Variants in RNF150 observed in about 807,000 individuals in gnomAD.
The protein encoded by RNF150 is ring finger protein 150.
RNF150 carries 24 observed loss-of-function variants against 39.3 expected under a neutral mutation model. The observed-to-expected ratio is 0.61, with a 90% CI of 0.44 to 0.86. The LOEUF (loss-of-function observed/expected upper bound fraction) is 0.86, where lower values mean the gene tolerates loss of function less well. RNF150 is among the 40% of genes least tolerant of loss of function. RNF150 has a pLI of 0.00. For missense variants in RNF150, 502 were observed against 587.8 expected, an observed-to-expected ratio of 0.85 and a Z score of 1.51; for synonymous variants, 255 against 227.3, an observed-to-expected ratio of 1.12 and a Z score of -1.10.
chr4:141,196,034 G>A (rs756644376), intron 1 of RNF150, among the ~76,000 whole-genome samples: 4 of 152,160 alleles, frequency 2.6e-5, no homozygotes, highest in Non-Finnish European at 5.9e-5. Flanking sequence ...CTGTACTTTG[G>A]CAATGCTTAA....
rs371960952 is a variant in RNF150 at position 141,132,360 on chromosome 4, G to A, written c.449C>T (p.Ser150Phe). ...CATGGTGATGGTCTCGTTGGTGTTG[G>A]AGCCCACGTTGAAGATGACCACGGC... ...ASAVVIFNVG[S>F]NTNETITMPH... Residue 150 changes from serine (S) to phenylalanine (F), a missense_variant, in exon 1 of 7, where the codon TCC becomes TTC. Transcript: ENST00000515673. The surrounding 1 kb of genome is among the most constrained non-coding windows in gnomAD (Gnocchi z 4.9). 1.3e-5 allele frequency: 20 copies of A among 1,594,228 alleles called. No individual in the cohort carries two copies. The highest frequency in any genetic ancestry group is 1.7e-5 in the Non-Finnish European group (20 of 1,170,824).
intron 1 of RNF150, among the ~76,000 whole-genome samples, chr4:141,059,101 G>A (rs1337737586): frequency 6.6e-6 from 1 of 152,130 alleles, no homozygotes; most frequent in African/African-American, 2.4e-5. Context: ...GTATCCTGTG[G>A]TTTGTTCTTC....
At chr4:141,058,571 C>T (rs1373900964) in intron 1 of RNF150, among the ~76,000 whole-genome samples, 1 of 152,128 alleles carries the variant, frequency 6.6e-6, no homozygotes, top group East Asian at 1.9e-4. Context: ...CTGAATCAGA[C>T]TGTACTGTGT....
At position 141,157,694 on chromosome 4, in the gene RNF150, C is replaced by T. The variant is rs1355563146; in HGVS notation, c.-6+55100G>A. Among the ~76,000 whole-genome samples, 3 of 151,156 alleles carry T rather than the reference C, an allele frequency of 2.0e-5. No individual in the cohort carries two copies. In the South Asian group the frequency reaches 6.3e-4, roughly 32 times the overall value. ...TGGTTTTATTATCATGTTTAAAAAA[C>T]TCTAAGGAAGTTTACACGATAACAT... On this transcript the variant is annotated intron_variant, in intron 1 of 7. Coordinates refer to the RNF150 transcript ENST00000420921.
intron 1 of RNF150, among the ~76,000 whole-genome samples, chr4:140,991,561 C>A (rs1161660644): frequency 1.3e-5 from 2 of 151,920 alleles, no homozygotes; most frequent in Non-Finnish European, 2.9e-5. Flanking sequence ...TTTCTGGAGC[C>A]TCAGAACCAT....
chr4:141,088,921 C>G (rs1738470790), intron 1 of RNF150, among the ~76,000 whole-genome samples: 1 of 152,154 alleles, frequency 6.6e-6, no homozygotes. Context: ...CTCCATAATT[C>G]TCTGAGACAC....
At chr4:141,122,074 C>A (rs879488641) in intron 1 of RNF150, among the ~76,000 whole-genome samples, 19 of 152,242 alleles carry the variant, frequency 1.2e-4, no homozygotes, top group Non-Finnish European at 2.5e-4. Flanking sequence ...CCCCTCCAGG[C>A]GCCTCCTGCT....
At chr4:141,021,067 G>C (rs1735471852) in intron 1 of RNF150, among the ~76,000 whole-genome samples, 1 of 152,114 alleles carries the variant, frequency 6.6e-6, no homozygotes, top group African/African-American at 2.4e-5. Flanking sequence ...GGAGGTCAGA[G>C]GATGGAAAAT....
At chr4:140,874,112 C>T (rs928567902) in intron 6 of RNF150, among the ~76,000 whole-genome samples, 13 of 152,122 alleles carry the variant, frequency 8.5e-5, no homozygotes, top group African/African-American at 3.1e-4. Context: ...TTATTAATTC[C>T]ATTTAGTCCA....
intron 1 of RNF150, among the ~76,000 whole-genome samples, chr4:141,169,076 T>TA (rs1431532911): frequency 6.6e-6 from 1 of 152,162 alleles, no homozygotes; most frequent in African/African-American, 2.4e-5. Context: ...ACCCATATCT[T>TA]ACGTTGAATT....
chr4:141,083,666 G>C (rs1166906162), intron 1 of RNF150, among the ~76,000 whole-genome samples: 1 of 150,472 alleles, frequency 6.6e-6, no homozygotes, highest in Non-Finnish European at 1.5e-5. Context: ...TTCCCCAAAG[G>C]CAAAAAAAAA....
intron 1 of RNF150, among the ~76,000 whole-genome samples, chr4:140,995,576 G>A (rs947484305): frequency 6.6e-6 from 1 of 152,146 alleles, no homozygotes; most frequent in Admixed American, 6.6e-5. Context: ...CTTATGGAAA[G>A]CTGCTTCCGC....
chr4:141,118,612 G>C (rs935945134), intron 1 of RNF150, among the ~76,000 whole-genome samples: 1 of 152,168 alleles, frequency 6.6e-6, no homozygotes, highest in African/African-American at 2.4e-5. Flanking sequence ...AAGCAATATG[G>C]TGGTTACCAA....
At chr4:141,015,617 A>T (rs1411359489) in intron 1 of RNF150, among the ~76,000 whole-genome samples, 2 of 152,094 alleles carry the variant, frequency 1.3e-5, no homozygotes, top group Non-Finnish European at 2.9e-5. Context: ...CTGTAATTTT[A>T]CTGAATTCAT....
At chr4:141,127,919 G>A (rs1726793487) in intron 1 of RNF150, among the ~76,000 whole-genome samples, 3 of 152,260 alleles carry the variant, frequency 2.0e-5, no homozygotes, top group South Asian at 4.1e-4. Flanking sequence ...AGACTACCAC[G>A]TTTATCATAC....
chr4:140,888,057 C>T (rs948088944), intron 6 of RNF150, among the ~76,000 whole-genome samples: 28 of 152,276 alleles, frequency 1.8e-4, no homozygotes, highest in African/African-American at 6.5e-4. Context: ...CCAGAAAGCA[C>T]GTGAAGAAGC....
intron 1 of RNF150, among the ~76,000 whole-genome samples, chr4:141,181,826 G>A (rs944194891): frequency 6.6e-6 from 1 of 152,112 alleles, no homozygotes; most frequent in African/African-American, 2.4e-5. Flanking sequence ...TCATACCAAT[G>A]GAAAATATAT....
chr4:141,143,645 C>A (rs1284694476), intron 1 of RNF150, among the ~76,000 whole-genome samples: 3 of 152,168 alleles, frequency 2.0e-5, no homozygotes, highest in Non-Finnish European at 2.9e-5. Flanking sequence ...TGAGCCTGTG[C>A]CTTTTCCGGT....
chr4:141,025,936 T>A (rs1401989460), intron 1 of RNF150, among the ~76,000 whole-genome samples: 3 of 152,162 alleles, frequency 2.0e-5, no homozygotes, highest in Non-Finnish European at 4.4e-5. Context: ...AATGATTAGG[T>A]CACAAGAGTG....
Sources: gnomAD v4.1 joint callset for allele counts (sites outside exome capture counted in the v4.1 genomes callset) on GRCh38, gnomAD v4.1.1 for gene constraint, Gnocchi (gnomAD v3.1) non-coding constraint, MANE v1.5 for transcripts, NCBI Gene and HGNC (gene_info 2026-07-23, HGNC 2026-07-21) for gene names.